The following TENM3 variants were observed in gnomAD, a reference collection of about 807,000 sequenced individuals.
TENM3 encodes teneurin-3.
In TENM3, 63 loss-of-function variants were observed where a neutral mutation model predicts 255.1. The ratio of observed to expected loss-of-function variants is 0.25; its 90% CI spans 0.20 to 0.30. The LOEUF is 0.30. Among genes scored for constraint, TENM3 ranks in the 10% least tolerant of loss-of-function variants. The pLI, the probability that TENM3 is intolerant of heterozygous loss-of-function variation, is 1.00. For missense variants in TENM3, 2,929 were observed against 3,461.1 expected, an observed-to-expected ratio of 0.85 and a Z score of 3.86; for synonymous variants, 1,306 against 1,322.3, an observed-to-expected ratio of 0.99 and a Z score of 0.27.
chr4:181,883,147 A>G, the TENM3 span, among the ~76,000 whole-genome samples: 1 of 31,608 alleles, frequency 3.2e-5, no homozygotes, highest in Non-Finnish European at 8.3e-5. Context: ...TTGCTTCTTA[A>G]TAACTGGTTT....
chr4:182,502,487 T>G (rs1736411701), intron 3 of TENM3, among the ~76,000 whole-genome samples: 1 of 152,210 alleles, frequency 6.6e-6, no homozygotes, highest in Non-Finnish European at 1.5e-5. Flanking sequence ...TACAGTTTTC[T>G]TCTTTCACAT....
chr4:181,804,128 G>GAGGGAGGGAGGGAA, the TENM3 span, among the ~76,000 whole-genome samples: 1 of 22,784 alleles, frequency 4.4e-5, no homozygotes, highest in Non-Finnish European at 1.6e-4. Context: ...GAGGGAAAGG[G>GAGGGAGGGAGGGAA]AGGGAGGGAG....
intron 3 of TENM3, among the ~76,000 whole-genome samples, chr4:182,392,498 T>G (rs1768501482): frequency 6.6e-6 from 1 of 152,174 alleles, no homozygotes; most frequent in Non-Finnish European, 1.5e-5. Context: ...CACCAATCCA[T>G]AACCAGCATT....
chr4:182,793,045 A>T lies in TENM3; in HGVS notation c.6373A>T (p.Thr2125Ser), dbSNP rs758161201. Residue 2125 changes from threonine (T) to serine (S), a missense_variant, in exon 26 of 28, where the codon ACC becomes TCC. Physicochemically the swap from Thr to Ser is moderately conservative, Grantham distance 58. Coordinates refer to ENST00000511685, the MANE Select transcript of TENM3 (RefSeq NM_001080477.4). The surrounding 1 kb of genome is among the most constrained non-coding windows in gnomAD (Gnocchi z 5.7). ...GATTAAAATAGGGCCCTTTGCCAAC[A>T]CCACCAAATATGCTTATGAATATGA... The part of the protein sequence containing the change: ...REIKIGPFAN[T>S]TKYAYEYDVD... 1 of 1,613,966 alleles carries T rather than the reference A, an allele frequency of 6.2e-7. No homozygotes were observed. Among genetic ancestry groups the T allele is most frequent in the East Asian group, 2.2e-5 (1 of 44,872 alleles).
the TENM3 span, among the ~76,000 whole-genome samples, chr4:181,863,216 C>T: frequency 6.6e-6 from 1 of 152,074 alleles, no homozygotes; most frequent in Non-Finnish European, 1.5e-5. Flanking sequence ...AATTAGATGG[C>T]TTCTAGGACA....
the TENM3 span, among the ~76,000 whole-genome samples, chr4:181,519,346 C>G: frequency 6.6e-6 from 1 of 152,204 alleles, no homozygotes; most frequent in African/African-American, 2.4e-5. Flanking sequence ...TGTATATTTA[C>G]TCTTTCCTCT....
chr4:181,959,032 G>C, the TENM3 span, among the ~76,000 whole-genome samples: 1 of 151,956 alleles, frequency 6.6e-6, no homozygotes, highest in South Asian at 2.1e-4. Context: ...AGCATTGAAT[G>C]GTTTTTTGTT....
the TENM3 span, among the ~76,000 whole-genome samples, chr4:181,717,355 C>T: frequency 3.9e-4 from 60 of 152,094 alleles, no homozygotes; most frequent in Admixed American, 2.6e-3. Flanking sequence ...TAAAAATGTC[C>T]TAGTAGAGAT....
At chr4:182,293,248 C>T (rs552980823) in intron 1 of TENM3, among the ~76,000 whole-genome samples, 150 of 152,308 alleles carry the variant, frequency 9.8e-4, no homozygotes, top group African/African-American at 3.1e-3. Flanking sequence ...CCACTGCCCA[C>T]GAGCATCTTT....
rs190944225 is a variant in TENM3 at position 182,231,134 on chromosome 4, T to A, written c.-76+86380T>A. 1.7e-3 allele frequency among the ~76,000 whole-genome samples: 266 copies of A among 152,072 alleles called. 1 individual carries two copies. Among genetic ancestry groups the A allele is most frequent in the African/African-American group, 5.8e-3 (240 of 41,480 alleles). On this transcript the variant is annotated intron_variant, in intron 1 of 2. Transcript: ENST00000512480. ...TCCTATTTTTTCTTGTTCTACATCTTTGTTCCCAGAAAATTCCAGAAATGT... is the reference window on the plus strand; with the variant it reads ...TCCTATTTTTTCTTGTTCTACATCTATGTTCCCAGAAAATTCCAGAAATGT...
chr4:181,893,083 AT>A, the TENM3 span, among the ~76,000 whole-genome samples: 52,220 of 152,030 alleles, frequency 0.34, 9,379 homozygotes, highest in East Asian at 0.64. Flanking sequence ...AATAAATGAC[AT>A]TAAGAGTGTC....
At chr4:181,665,761 C>T in the TENM3 span, among the ~76,000 whole-genome samples, 1 of 151,826 alleles carries the variant, frequency 6.6e-6, no homozygotes, top group Admixed American at 6.6e-5. Flanking sequence ...CAATTTTTAA[C>T]CATTCTTCTT....
the TENM3 span, among the ~76,000 whole-genome samples, chr4:181,838,904 C>T: frequency 6.6e-6 from 1 of 151,522 alleles, no homozygotes; most frequent in African/African-American, 2.4e-5. Context: ...CTGTGTTTCT[C>T]TCTTATTTTG....
At chr4:181,963,642 C>A in the TENM3 span, among the ~76,000 whole-genome samples, 1 of 152,132 alleles carries the variant, frequency 6.6e-6, no homozygotes, top group Non-Finnish European at 1.5e-5. Context: ...AGTTCTGAAC[C>A]TGAATGGCCC....
the TENM3 span, among the ~76,000 whole-genome samples, chr4:181,817,650 A>G: frequency 2.6e-5 from 4 of 152,162 alleles, no homozygotes; most frequent in African/African-American, 4.8e-5. Context: ...CATGAATGGT[A>G]TTAGACGCGC....
chr4:181,625,324 C>G, the TENM3 span, among the ~76,000 whole-genome samples: 1 of 152,162 alleles, frequency 6.6e-6, no homozygotes, highest in African/African-American at 2.4e-5. Flanking sequence ...GCTTCTGTTA[C>G]AAATGGATTG....
In TENM3 at chr4:182,773,160, A is replaced by G. The variant is rs779707923; in HGVS notation, c.4893-312A>G. Among the ~76,000 whole-genome samples the G allele has an allele frequency of 3.3e-5, 5 of 152,356 alleles. No homozygotes were observed. In the Middle Eastern group the frequency reaches 0.01, roughly 311 times the overall value. On this transcript the variant is annotated intron_variant, in intron 22 of 27. Transcript: ENST00000511685. ...ATATGAAGGAATACTAAGGAATTTAATATCAGCAAACATGTTCCCTTTGAA... is the reference window on the plus strand; with the variant it reads ...ATATGAAGGAATACTAAGGAATTTAGTATCAGCAAACATGTTCCCTTTGAA...
At chr4:181,476,205 G>GTTTTTTTTTTTT in the TENM3 span, among the ~76,000 whole-genome samples, 3 of 98,014 alleles carry the variant, frequency 3.1e-5, no homozygotes, top group African/African-American at 8.6e-5. Flanking sequence ...ACATTTTAGG[G>GTTTTTTTTTTTT]GTTTTTTTTT....
chr4:182,641,504 T>C (rs753360664), intron 5 of TENM3, among the ~76,000 whole-genome samples: 1 of 151,816 alleles, frequency 6.6e-6, no homozygotes, highest in South Asian at 2.1e-4. Flanking sequence ...ATTTGTTACA[T>C]AAAAGTAGTA....
Sources: allele counts gnomAD v4.1 joint callset (sites outside exome capture counted in the v4.1 genomes callset), GRCh38; gene constraint gnomAD v4.1.1; non-coding constraint Gnocchi (gnomAD v3.1); transcripts MANE v1.5; gene names NCBI Gene and HGNC (gene_info 2026-07-23, HGNC 2026-07-21).